The following MYO1E variants were observed in gnomAD, a reference collection of about 807,000 sequenced individuals.
MYO1E encodes the protein myosin IE.
MYO1E carries 68 observed loss-of-function variants against 151.1 expected under a neutral mutation model. The ratio of observed to expected loss-of-function variants is 0.45; its 90% CI spans 0.37 to 0.55. The LOEUF (loss-of-function observed/expected upper bound fraction) is 0.55. Ranked by LOEUF, MYO1E falls within the 20% of genes least tolerant of loss-of-function variation. The pLI, the probability that MYO1E is intolerant of heterozygous loss-of-function variation, is 0.00. For synonymous variants in MYO1E, 601 were observed against 501.7 expected, an observed-to-expected ratio of 1.20 and a Z score of -2.64; for missense variants, 1,363 against 1,389.3, an observed-to-expected ratio of 0.98 and a Z score of 0.30.
chr15:59,295,406 G>A (rs1421101947), intron 1 of MYO1E, among the ~76,000 whole-genome samples: 4 of 152,146 alleles, frequency 2.6e-5, no homozygotes, highest in South Asian at 2.1e-4. Flanking sequence ...TTGAGGAAAC[G>A]GTAGCCTCGG....
intron 7 of MYO1E, among the ~76,000 whole-genome samples, chr15:59,226,276 G>T (rs1359771530): frequency 6.6e-6 from 1 of 152,300 alleles, no homozygotes; most frequent in South Asian, 2.1e-4. Flanking sequence ...AGATGTGTGT[G>T]TAATTGAAAA....
chr15:59,366,065 G>A (rs1003083537), intron 1 of MYO1E, among the ~76,000 whole-genome samples: 4 of 151,948 alleles, frequency 2.6e-5, no homozygotes, highest in Non-Finnish European at 4.4e-5. Context: ...TGCAACCTCC[G>A]CCTCCCAAGT....
intron 26 of MYO1E, among the ~76,000 whole-genome samples, chr15:59,153,350 G>C (rs2079492297): frequency 6.6e-6 from 1 of 152,204 alleles, no homozygotes; most frequent in Admixed American, 6.5e-5. Flanking sequence ...CCCGTCTTCT[G>C]ATGTTTCCAA....
chr15:59,149,303 A>G (rs2079462562), intron 26 of MYO1E, among the ~76,000 whole-genome samples: 2 of 151,888 alleles, frequency 1.3e-5, no homozygotes, highest in East Asian at 1.9e-4. Flanking sequence ...TGATCCACCC[A>G]CCTCGGCCTC....
At chr15:59,339,792 A>C (rs1313770340) in intron 1 of MYO1E, among the ~76,000 whole-genome samples, 1 of 152,140 alleles carries the variant, frequency 6.6e-6, no homozygotes, top group Non-Finnish European at 1.5e-5. Context: ...GTTAAAGACC[A>C]GCCTAGACAA....
At chr15:59,212,814 G>A (rs150066027) in intron 12 of MYO1E, 16 of 152,220 alleles carry the variant, frequency 1.1e-4, no homozygotes, top group South Asian at 4.1e-4. Flanking sequence ...TGAAAGAGAC[G>A]GAGATTTGGA....
intron 1 of MYO1E, among the ~76,000 whole-genome samples, chr15:59,277,570 A>C (rs2080328519): frequency 1.4e-5 from 2 of 147,646 alleles, no homozygotes; most frequent in Non-Finnish European, 3.0e-5. Flanking sequence ...AAAAAAAAAA[A>C]AAACATCAAA....
At position 59,372,585 on chromosome 15, in the gene MYO1E, A is replaced by G. The variant is rs567467229; in HGVS notation, c.-85T>C. ...AACGCAGTCTTCTGGGCGAACTTCA[A>G]AAGTTGGTTCCCCTCGCCAAAAACA... On this transcript the variant is annotated 5_prime_UTR_variant, in exon 1 of 28. Coordinates refer to ENST00000288235, the MANE Select transcript of MYO1E (RefSeq NM_004998.4). 1.1e-4 allele frequency: 159 copies of G among 1,504,718 alleles called. 1 individual carries two copies. The highest frequency in any genetic ancestry group is 7.6e-4 in the Middle Eastern group (4 of 5,270). The allele number at this position is 1,504,718 out of a possible 1,614,324, so 93.2% of individuals were successfully genotyped here.
intron 26 of MYO1E, among the ~76,000 whole-genome samples, chr15:59,149,151 G>T (rs1418803920): frequency 6.6e-6 from 1 of 150,466 alleles, no homozygotes; most frequent in Non-Finnish European, 1.5e-5. Context: ...CTGCCTCCTG[G>T]GTTCACGCCA....
At chr15:59,216,200 T>C (rs1179494974) in intron 10 of MYO1E, among the ~76,000 whole-genome samples, 1 of 152,100 alleles carries the variant, frequency 6.6e-6, no homozygotes, top group Non-Finnish European at 1.5e-5. Flanking sequence ...AGCTTGAATA[T>C]ATAAACGTCA....
intron 1 of MYO1E, among the ~76,000 whole-genome samples, chr15:59,321,791 C>A (rs1308464642): frequency 6.6e-6 from 1 of 151,488 alleles, no homozygotes; most frequent in Non-Finnish European, 1.5e-5. Context: ...CTGGGAGAAT[C>A]TCTTGAGCCC....
At chr15:59,170,156 G>A (rs1261538383) in intron 22 of MYO1E, among the ~76,000 whole-genome samples, 6 of 148,248 alleles carry the variant, frequency 4.0e-5, no homozygotes, top group South Asian at 2.1e-4. Flanking sequence ...GCGAGACTCT[G>A]TCTAAAACAA....
Position 59,158,330 on chromosome 15 carries a change from A to G in MYO1E, c.2835T>C (p.Thr945=), listed in dbSNP as rs1333243668. The G allele has an allele frequency of 6.3e-7, 1 of 1,577,896 alleles. No homozygotes were observed. Reference sequence around the variant, plus strand: ...CTCTCACTGGGTAGTTGGCATTTTGAGTCCCACTGGAATAACCTGTATTTT... The same window carrying G: ...CTCTCACTGGGTAGTTGGCATTTTGGGTCCCACTGGAATAACCTGTATTTT... The part of the protein sequence containing the change: ...TTQNTGYSSG[T]QNANYPVRAA... Residue 945 remains threonine (T), a synonymous_variant, in exon 25 of 28, where the codon ACT becomes ACC. Coordinates refer to ENST00000288235, the MANE Select transcript of MYO1E (RefSeq NM_004998.4).
At chr15:59,191,884 T>C (rs2079736513) in intron 17 of MYO1E, among the ~76,000 whole-genome samples, 1 of 152,178 alleles carries the variant, frequency 6.6e-6, no homozygotes, top group African/African-American at 2.4e-5. Context: ...CCCTGGCCGT[T>C]TACTCAAATT....
intron 10 of MYO1E, 78 bp downstream of exon 10, chr15:59,217,813 C>A: frequency 1.3e-6 from 2 of 1,523,374 alleles, no homozygotes; most frequent in Non-Finnish European, 1.8e-6. Context: ...CAGGTGTGAG[C>A]CACCGCACCC....
At chr15:59,160,552 G>C (rs914937642) in intron 24 of MYO1E, among the ~76,000 whole-genome samples, 1 of 151,880 alleles carries the variant, frequency 6.6e-6, no homozygotes, top group Non-Finnish European at 1.5e-5. Context: ...TGGGACTACA[G>C]GCATGCACCA....
At position 59,224,797 on chromosome 15, in the gene MYO1E, C is replaced by T. The variant is rs142105673; in HGVS notation, c.669G>A (p.Gln223=). ...TGCTGGTGATGCCAAGGCTGTGTTT[C>T]TGCTCTGCAGAGGCGCCCTCGATGA... ...YQLIEGASAE[Q]KHSLGITSMD... Residue 223 remains glutamine, a synonymous_variant, in exon 8 of 28, where the codon CAG becomes CAA. Transcript: ENST00000288235. 809 of 1,614,108 alleles carry T rather than the reference C, an allele frequency of 5.0e-4. 3 individuals are homozygous for T. Among genetic ancestry groups the T allele is most frequent in the Non-Finnish European group, 6.4e-4 (753 of 1,180,050 alleles).
At chr15:59,184,121 C>T (rs555138022) in intron 18 of MYO1E, among the ~76,000 whole-genome samples, 24 of 152,160 alleles carry the variant, frequency 1.6e-4, no homozygotes, top group Non-Finnish European at 2.9e-4. Context: ...ATCCTTTCAC[C>T]TCAGCCTCCC....
At chr15:59,356,029 T>C (rs1224945554) in intron 1 of MYO1E, among the ~76,000 whole-genome samples, 4 of 151,936 alleles carry the variant, frequency 2.6e-5, no homozygotes, top group African/African-American at 9.7e-5. Flanking sequence ...TATTTGCCTA[T>C]TTCTTAGGCA....
Sources: gnomAD v4.1 joint callset for allele counts (sites outside exome capture counted in the v4.1 genomes callset) on GRCh38, gnomAD v4.1.1 for gene constraint, MANE v1.5 for transcripts, NCBI Gene and HGNC (gene_info 2026-07-23, HGNC 2026-07-21) for gene names.